Variants in BEND6 observed in about 807,000 individuals in gnomAD.
BEND6 encodes the protein BEN domain-containing protein 6.
A neutral mutation model predicts 31.8 loss-of-function variants in BEND6; 24 were observed. That is an observed-to-expected ratio of 0.75 (90% CI 0.55 to 1.06). The LOEUF (loss-of-function observed/expected upper bound fraction) is 1.06, where lower values mean the gene tolerates loss of function less well. Ranked by LOEUF, BEND6 falls within the 50% of genes least tolerant of loss-of-function variation. The probability of loss-of-function intolerance (pLI) is 0.00; values close to 1 mark genes in which losing one functional copy is unlikely to be tolerated. For synonymous variants in BEND6, 109 were observed against 114.6 expected (o/e 0.95, Z 0.31); for missense variants, 294 against 327.4 (o/e 0.90, Z 0.79).
At chr6:56,978,892 A>C (rs1825977148) in intron 1 of BEND6, among the ~76,000 whole-genome samples, 1 of 152,234 alleles carries the variant, frequency 6.6e-6, no homozygotes, top group African/African-American at 2.4e-5. Context: ...TCATAAGACA[A>C]AATTATATAC....
chr6:56,981,634 A>G (rs1338148874), intron 1 of BEND6, 77 bp from the exon 2 acceptor site: 1 of 546,610 alleles, frequency 1.8e-6, no homozygotes, highest in Admixed American at 3.4e-5. Context: ...AAACTGGTTT[A>G]TCTGAGTGGC....
intron 3 of BEND6, among the ~76,000 whole-genome samples, chr6:57,001,696 G>A (rs1328722176): frequency 1.3e-5 from 2 of 152,212 alleles, no homozygotes; most frequent in Non-Finnish European, 2.9e-5. Context: ...AGTGCTAAGA[G>A]AATGAGTTAA....
At chr6:56,980,281 C>T (rs536974389) in intron 1 of BEND6, among the ~76,000 whole-genome samples, 1 of 152,164 alleles carries the variant, frequency 6.6e-6, no homozygotes, top group Non-Finnish European at 1.5e-5. Context: ...TTCCACCTCC[C>T]AGGTTCAAGC....
At chr6:57,015,459 A>AC in intron 4 of BEND6, 106 bp downstream of exon 4, 12 of 1,116,796 alleles carry the variant, frequency 1.1e-5, no homozygotes, top group African/African-American at 1.6e-5. Flanking sequence ...ATTGGATAAA[A>AC]TAGTTTTATT....
At chr6:57,004,441 C>T in intron 3 of BEND6, 2 of 595,302 alleles carry the variant, frequency 3.4e-6, no homozygotes, top group Admixed American at 4.5e-5. Flanking sequence ...AGCTGGCTGC[C>T]CATAGCCAGC....
chr6:56,981,850 C>A lies in BEND6; in HGVS notation c.40C>A (p.Gln14Lys), dbSNP rs756295138. The A allele has an allele frequency of 5.6e-6, 9 of 1,612,328 alleles. No individual in the cohort carries two copies. In the Admixed American group the frequency reaches 1.5e-4, roughly 27 times the overall value. Residue 14 changes from glutamine to lysine, a missense_variant, in exon 2 of 7, where the codon CAA (glutamine) becomes AAA (lysine). By Grantham distance (53) the Gln-to-Lys change is moderately conservative. Transcript: ENST00000370746. ...IVQTDEITNT[Q>K]AFRKGKRKRT... ...GCAGACAGATGAAATTACCAATACA[C>A]AAGCTTTTAGAAAAGGAAAGAGGAA... is the stretch of plus-strand genomic sequence containing the variant.
chr6:57,001,214 A>AGTG (rs1156767384), intron 3 of BEND6, among the ~76,000 whole-genome samples: 1 of 141,266 alleles, frequency 7.1e-6, no homozygotes, highest in Non-Finnish European at 1.5e-5. Flanking sequence ...CCCAGGTTGG[A>AGTG]GTGTAGTGAT....
intron 3 of BEND6, chr6:57,008,074 G>A (rs1421511977): frequency 5.9e-6 from 4 of 674,506 alleles, no homozygotes; most frequent in Non-Finnish European, 1.1e-5. Flanking sequence ...CAACTAGAAG[G>A]TCAGAGACAA....
chr6:57,008,216 A>G, intron 3 of BEND6: 1 of 702,892 alleles, frequency 1.4e-6, no homozygotes, highest in South Asian at 1.5e-5. Flanking sequence ...TCTCCAATGA[A>G]TGTGTTCAAA....
chr6:57,002,713 A>G (rs916618073), intron 3 of BEND6, among the ~76,000 whole-genome samples: 2 of 152,306 alleles, frequency 1.3e-5, no homozygotes, highest in Non-Finnish European at 2.9e-5. Context: ...CAGCAAAACT[A>G]GTGTTAAGAG....
chr6:56,965,401 A>G (rs567610876), intron 1 of BEND6, among the ~76,000 whole-genome samples: 1 of 152,244 alleles, frequency 6.6e-6, no homozygotes, highest in East Asian at 1.9e-4. Flanking sequence ...GTGAATGGTA[A>G]CCAGTTATTT....
chr6:56,965,277 T>G (rs1013397749), intron 1 of BEND6, among the ~76,000 whole-genome samples: 3 of 152,118 alleles, frequency 2.0e-5, no homozygotes, highest in African/African-American at 4.8e-5. Flanking sequence ...AGACGGGAAC[T>G]CCACTTAAGA....
intron 6 of BEND6, among the ~76,000 whole-genome samples, chr6:57,022,203 G>A (rs1378386194): frequency 6.9e-6 from 1 of 145,210 alleles, no homozygotes; most frequent in Admixed American, 6.9e-5. Flanking sequence ...AGCAGAACTG[G>A]TATTACTGTC....
chr6:56,979,548 C>T (rs1379611690), intron 1 of BEND6, among the ~76,000 whole-genome samples: 1 of 152,166 alleles, frequency 6.6e-6, no homozygotes, highest in Admixed American at 6.5e-5. Flanking sequence ...AATCTCATTA[C>T]AGGTCAGATG....
At chr6:57,006,617 G>C (rs568565037) in intron 3 of BEND6, among the ~76,000 whole-genome samples, 95 of 152,282 alleles carry the variant, frequency 6.2e-4, no homozygotes, top group African/African-American at 2.1e-3. Context: ...GGGAAGTACT[G>C]GTTTGAACAC....
intron 2 of BEND6, among the ~76,000 whole-genome samples, chr6:56,990,752 G>A (rs1008547287): frequency 1.3e-5 from 2 of 152,124 alleles, no homozygotes; most frequent in South Asian, 4.1e-4. Flanking sequence ...AATGTCTTCT[G>A]AGATTTTTAT....
intron 3 of BEND6, among the ~76,000 whole-genome samples, chr6:56,992,959 T>G (rs570109726): frequency 2.6e-5 from 4 of 152,200 alleles, no homozygotes; most frequent in Admixed American, 6.5e-5. Flanking sequence ...AAAATGGAGC[T>G]TATTGTGATT....
intron 3 of BEND6, among the ~76,000 whole-genome samples, chr6:57,003,047 C>T (rs532651494): frequency 6.6e-6 from 1 of 152,106 alleles, no homozygotes; most frequent in African/African-American, 2.4e-5. Context: ...CACAGAAATA[C>T]AAAAGATCCT....
intron 2 of BEND6, among the ~76,000 whole-genome samples, chr6:56,990,371 C>T (rs920486508): frequency 4.0e-5 from 6 of 151,292 alleles, no homozygotes; most frequent in Non-Finnish European, 7.4e-5. Flanking sequence ...CTCAGCCCCC[C>T]GAGTAACCAG....
Sources: gnomAD v4.1 joint callset for allele counts (sites outside exome capture counted in the v4.1 genomes callset) on GRCh38, gnomAD v4.1.1 for gene constraint, MANE v1.5 for transcripts, NCBI Gene and HGNC (gene_info 2026-07-23, HGNC 2026-07-21) for gene names.